MAOA: variants seen among roughly 807,000 people sequenced by gnomAD.
MAOA encodes the protein monoamine oxidase A.
Under a neutral mutation model 42.0 loss-of-function variants are expected in MAOA, and 6 were observed. The ratio of observed to expected loss-of-function variants is 0.14; its 90% CI spans 0.08 to 0.28. MAOA has a LOEUF of 0.28. MAOA is among the 10% of genes least tolerant of loss of function. MAOA has a pLI of 1.00. For synonymous variants in MAOA, 140 were observed against 154.0 expected, an observed-to-expected ratio of 0.91 and a Z score of 0.67; for missense variants, 262 against 422.3, an observed-to-expected ratio of 0.62 and a Z score of 3.33.
At chrX:43,741,748 A>G (rs1437250781) in intron 11 of MAOA, among the ~76,000 whole-genome samples, 2 of 112,359 alleles carry the variant, frequency 1.8e-5, no homozygotes, top group East Asian at 5.6e-4. Context: ...AAATGGGAAG[A>G]GCAAAGTATA....
At chrX:43,692,029 ACACACACACG>A (rs747530516) in intron 2 of MAOA, among the ~76,000 whole-genome samples, 1,435 of 70,315 alleles carry the variant, frequency 0.02, 22 homozygotes, top group African/African-American at 0.071. Flanking sequence ...ACACACACAC[ACACACACACG>A]CACGCACACA....
chrX:43,744,361 A>T lies in MAOA; in HGVS notation c.1438-6A>T. On this transcript the variant is annotated splice_region_variant and splice_polypyrimidine_tract_variant and intron_variant, in intron 14 of 14. Transcript: ENST00000338702. ...TTTTGCTCATGATCTGTGTTCCTTC[A>T]TCTAGGACGTTCCAGCGGTAGAAAT... The T allele has an allele frequency of 1.7e-6, 2 of 1,210,762 alleles. No individual in the cohort carries two copies. Among genetic ancestry groups the T allele is most frequent in the Non-Finnish European group, 2.2e-6 (2 of 894,993 alleles).
At chrX:43,692,042 C>CACAT (rs1491111990) in intron 2 of MAOA, among the ~76,000 whole-genome samples, 13 of 107,901 alleles carry the variant, frequency 1.2e-4, no homozygotes, top group African/African-American at 3.4e-4. Context: ...CACACACGCA[C>CACAT]GCACACATCT....
chrX:43,709,338 G>A (rs923372232), intron 3 of MAOA, among the ~76,000 whole-genome samples: 12 of 111,437 alleles, frequency 1.1e-4, no homozygotes, highest in African/African-American at 3.9e-4. Context: ...AACTTCGTTA[G>A]GAATGTGGGA....
intron 2 of MAOA, among the ~76,000 whole-genome samples, chrX:43,688,334 G>T (rs2033504253): frequency 9.0e-6 from 1 of 111,445 alleles, no homozygotes; most frequent in African/African-American, 3.3e-5. Context: ...AGGCTGGAGT[G>T]CAGTGGGACG....
At chrX:43,659,689 A>G (rs1306404018) in intron 1 of MAOA, among the ~76,000 whole-genome samples, 1 of 111,236 alleles carries the variant, frequency 9.0e-6, no homozygotes, top group African/African-American at 3.3e-5. Flanking sequence ...TCACGATTGA[A>G]CACTTCAGGT....
At chrX:43,709,585 T>C (rs2033684734) in intron 3 of MAOA, among the ~76,000 whole-genome samples, 1 of 110,907 alleles carries the variant, frequency 9.0e-6, no homozygotes, top group Non-Finnish European at 1.9e-5. Flanking sequence ...CAAAGATCAG[T>C]TTTGCATTAG....
intron 2 of MAOA, among the ~76,000 whole-genome samples, chrX:43,690,372 AT>A (rs2033523223): frequency 9.0e-6 from 1 of 111,127 alleles, no homozygotes; most frequent in Admixed American, 9.7e-5. Flanking sequence ...GCTAGCAGTT[AT>A]TTTTTAATCT....
At chrX:43,686,136 A>G (rs1469914678) in intron 2 of MAOA, among the ~76,000 whole-genome samples, 1 of 112,282 alleles carries the variant, frequency 8.9e-6, no homozygotes, top group Non-Finnish European at 1.9e-5. Flanking sequence ...ATTTTCTGAA[A>G]AATATTCCTC....
intron 5 of MAOA, among the ~76,000 whole-genome samples, chrX:43,722,013 A>G (rs754252377): frequency 2.7e-5 from 3 of 111,872 alleles, no homozygotes; most frequent in African/African-American, 9.8e-5. Context: ...TGCAAAGGAC[A>G]TGAACTCATC....
At chrX:43,744,015 C>A in intron 13 of MAOA, 94 bp from the exon 14 acceptor site, 1 of 1,191,035 alleles carries the variant, frequency 8.4e-7, no homozygotes, top group Non-Finnish European at 1.1e-6. Flanking sequence ...TTTCTCTGCC[C>A]CTCACTCATG....
At position 43,711,774 on chromosome X, in the gene MAOA, G is replaced by T. The variant is rs925783933; in HGVS notation, c.307-98G>T. The T allele has an allele frequency of 6.5e-6, 4 of 613,141 alleles. No individual in the cohort carries two copies. The African/African-American group carries it at 8.8e-5, about 13-fold the overall frequency. 50.5% of individuals were successfully genotyped at this position (613,141 alleles called of 1,213,427 possible). A position where few individuals can be genotyped will look rare whatever the true frequency, so the allele number is the denominator to read the frequency against. ...ACACAGTAGAGGGTCTGGTTACTTT[G>T]CAAGTCTTAGGTTGGTTGCTTTTTT... On this transcript the variant is annotated intron_variant, in intron 3 of 14. Coordinates refer to ENST00000338702, the MANE Select transcript of MAOA (RefSeq NM_000240.4).
chrX:43,667,046 G>T (rs182042509), intron 1 of MAOA, among the ~76,000 whole-genome samples: 232 of 109,097 alleles, frequency 2.1e-3, no homozygotes, highest in African/African-American at 7.3e-3. Context: ...TGTAAATGAC[G>T]AGTCAATGGG....
intron 1 of MAOA, among the ~76,000 whole-genome samples, chrX:43,661,123 C>T (rs5906729): frequency 9.1e-6 from 1 of 110,394 alleles, no homozygotes; most frequent in Non-Finnish European, 1.9e-5. Flanking sequence ...TGCTCGGTCT[C>T]TCAAAGCAAC....
intron 5 of MAOA, among the ~76,000 whole-genome samples, chrX:43,722,459 C>G (rs1302204328): frequency 8.9e-6 from 1 of 112,304 alleles, no homozygotes; most frequent in Non-Finnish European, 1.9e-5. Flanking sequence ...AACATTTTTT[C>G]ATAAGTTTTT....
At position 43,736,263 on chromosome X, in the gene MAOA, G is replaced by A; in HGVS notation, c.1089G>A (p.Lys363=). 2 of 1,190,091 alleles carry A rather than the reference G, an allele frequency of 1.7e-6. No homozygotes were observed. The highest frequency in any genetic ancestry group is 2.3e-6 in the Non-Finnish European group (2 of 879,341). ...CCCGGAAAGCTGATCGACTTGCTAA[G>A]CTACATAAGGAAATAAGGTAAGAAT... ...ILARKADRLA[K]LHKEIRKKKI... Residue 363 remains lysine, a synonymous_variant, in exon 10 of 15, where the codon AAG becomes AAA. Coordinates refer to ENST00000338702, the MANE Select transcript of MAOA (RefSeq NM_000240.4).
At chrX:43,669,551 A>G (rs2033311758) in intron 1 of MAOA, among the ~76,000 whole-genome samples, 1 of 111,069 alleles carries the variant, frequency 9.0e-6, no homozygotes, top group African/African-American at 3.3e-5. Flanking sequence ...CACTATGATA[A>G]TTTTCTCTCT....
chrX:43,739,229 C>T (rs943705409), intron 10 of MAOA, among the ~76,000 whole-genome samples: 10 of 112,007 alleles, frequency 8.9e-5, no homozygotes, highest in African/African-American at 3.2e-4. Flanking sequence ...TCCTTTATGA[C>T]TTTTTATGTA....
In MAOA at chrX:43,723,281, G is replaced by A. The variant is rs1401243938; in HGVS notation, c.504-4892G>A. On this transcript the variant is annotated intron_variant, in intron 5 of 14. Coordinates refer to ENST00000338702, the MANE Select transcript of MAOA (RefSeq NM_000240.4). ...CTGAATCTATAAATTACTTTGGGCA[G>A]TATGGCCATTTTCGTGATATTGATT... 1.5e-4 allele frequency among the ~76,000 whole-genome samples: 17 copies of A among 111,616 alleles called. 1 individual carries two copies. The highest frequency in any genetic ancestry group is 1.4e-3 in the East Asian group (5 of 3,549).
Sources: allele counts gnomAD v4.1 joint callset (sites outside exome capture counted in the v4.1 genomes callset), GRCh38; gene constraint gnomAD v4.1.1; transcripts MANE v1.5; gene names NCBI Gene and HGNC (gene_info 2026-07-23, HGNC 2026-07-21).